Variants in GPC6 observed in about 807,000 individuals in gnomAD.
GPC6 encodes glypican 6.
GPC6 carries 14 observed loss-of-function variants against 55.2 expected under a neutral mutation model. The observed-to-expected ratio is 0.25, with a 90% CI of 0.17 to 0.40. GPC6 has a LOEUF of 0.40. Among genes scored for constraint, GPC6 ranks in the 10% least tolerant of loss-of-function variants. GPC6 has a pLI of 1.00. For synonymous variants in GPC6, 278 were observed against 259.6 expected, an observed-to-expected ratio of 1.07 and a Z score of -0.68; for missense variants, 641 against 708.5, an observed-to-expected ratio of 0.90 and a Z score of 1.08.
chr13:93,279,145 G>T (rs1194255890), intron 1 of GPC6, among the ~76,000 whole-genome samples: 1 of 152,132 alleles, frequency 6.6e-6, no homozygotes, highest in Non-Finnish European at 1.5e-5. Context: ...AATATCTGTG[G>T]TTCTCAAACT....
At chr13:94,010,528 C>T (rs1882202520) in intron 3 of GPC6, among the ~76,000 whole-genome samples, 1 of 152,056 alleles carries the variant, frequency 6.6e-6, no homozygotes, top group Admixed American at 6.6e-5. Context: ...AAGGACTCTA[C>T]GTATGTGGGT....
At chr13:93,377,066 T>A (rs1566325243) in intron 1 of GPC6, among the ~76,000 whole-genome samples, 1 of 152,198 alleles carries the variant, frequency 6.6e-6, no homozygotes, top group Non-Finnish European at 1.5e-5. Flanking sequence ...GTTTCACAAA[T>A]GCACAGTTGT....
intron 6 of GPC6, among the ~76,000 whole-genome samples, chr13:94,331,187 C>A (rs780943213): frequency 6.6e-6 from 1 of 152,120 alleles, no homozygotes; most frequent in South Asian, 2.1e-4. Context: ...CAAACTATGA[C>A]CTACGGGCCG....
At chr13:93,652,928 G>T (rs560363462) in intron 2 of GPC6, among the ~76,000 whole-genome samples, 1 of 152,026 alleles carries the variant, frequency 6.6e-6, no homozygotes, top group African/African-American at 2.4e-5. Context: ...CTTAAATTTG[G>T]GTCAGGATAG....
At chr13:93,976,645 C>A (rs1230771247) in intron 3 of GPC6, among the ~76,000 whole-genome samples, 1 of 151,140 alleles carries the variant, frequency 6.6e-6, no homozygotes, top group African/African-American at 2.4e-5. Context: ...GAAGCGATCT[C>A]TCAAATTTCT....
chr13:94,285,729 CT>C (rs1306096421), intron 4 of GPC6, among the ~76,000 whole-genome samples: 5 of 152,158 alleles, frequency 3.3e-5, no homozygotes, highest in Non-Finnish European at 7.3e-5. Flanking sequence ...ATTTCGTCAA[CT>C]TTTTTGAGAG....
At chr13:94,131,171 C>A (rs1886987588) in intron 4 of GPC6, among the ~76,000 whole-genome samples, 1 of 151,908 alleles carries the variant, frequency 6.6e-6, no homozygotes, top group Non-Finnish European at 1.5e-5. Context: ...AGAAACTTAC[C>A]ATATGTTTAA....
intron 2 of GPC6, among the ~76,000 whole-genome samples, chr13:93,763,231 TA>T (rs1209347183): frequency 6.6e-6 from 1 of 152,234 alleles, no homozygotes; most frequent in Non-Finnish European, 1.5e-5. Context: ...GGTTGCTTCT[TA>T]GTGATGCAAG....
chr13:93,793,866 T>C (rs996340921), intron 2 of GPC6, among the ~76,000 whole-genome samples: 3 of 152,228 alleles, frequency 2.0e-5, no homozygotes, highest in African/African-American at 7.2e-5. Flanking sequence ...CTAGGAAATT[T>C]TCAACATTTG....
intron 7 of GPC6, 126 bp downstream of exon 7, chr13:94,382,676 C>G: frequency 8.1e-7 from 1 of 1,239,886 alleles, no homozygotes; most frequent in African/African-American, 1.5e-5. Context: ...CAAGTCATCA[C>G]TTAGCAACAG....
intron 3 of GPC6, among the ~76,000 whole-genome samples, chr13:93,933,245 G>T (rs1346831966): frequency 6.6e-6 from 1 of 152,082 alleles, no homozygotes; most frequent in African/African-American, 2.4e-5. Flanking sequence ...ACATTTTTGG[G>T]TTGTGCTTTA....
chr13:93,595,848 C>T (rs1341393629), intron 2 of GPC6, among the ~76,000 whole-genome samples: 1 of 152,144 alleles, frequency 6.6e-6, no homozygotes, highest in Admixed American at 6.6e-5. Context: ...ATTATTTTGT[C>T]TTTCAGCAGC....
rs770862066 is a variant in GPC6 at position 93,271,928 on chromosome 13, C to T, written c.160+44312C>T. Among the ~76,000 whole-genome samples, 2 of 152,120 alleles carry T rather than the reference C, an allele frequency of 1.3e-5. 1 individual carries two copies. Among genetic ancestry groups the T allele is most frequent in the Admixed American group, 1.3e-4 (2 of 15,266 alleles). On this transcript the variant is annotated intron_variant, in intron 1 of 8. Transcript: ENST00000377047. ...ACTACCATGGCAGACCATTAATTAACTCCTTTAGTTACTTACAGTAATCAT... is the reference window on the plus strand; with the variant it reads ...ACTACCATGGCAGACCATTAATTAATTCCTTTAGTTACTTACAGTAATCAT...
chr13:93,668,384 T>C (rs1366410689), intron 2 of GPC6, among the ~76,000 whole-genome samples: 1 of 152,228 alleles, frequency 6.6e-6, no homozygotes, highest in Non-Finnish European at 1.5e-5. Flanking sequence ...AATTTGATGA[T>C]GATATTAAAT....
At chr13:94,291,570 A>G (rs1874981288) in intron 5 of GPC6, among the ~76,000 whole-genome samples, 1 of 152,198 alleles carries the variant, frequency 6.6e-6, no homozygotes. Context: ...AAGGGAATGG[A>G]ATTTTCTTTT....
chr13:93,899,276 A>G (rs1023294089), intron 3 of GPC6, among the ~76,000 whole-genome samples: 12 of 152,120 alleles, frequency 7.9e-5, no homozygotes, highest in Non-Finnish European at 1.3e-4. Flanking sequence ...GACAAATAAG[A>G]TATGTTTGAC....
chr13:94,075,190 TAG>T (rs1884866412), intron 4 of GPC6, among the ~76,000 whole-genome samples: 1 of 152,338 alleles, frequency 6.6e-6, no homozygotes, highest in Admixed American at 6.5e-5. Context: ...CTTTAAAACA[TAG>T]AGTCTTCAAA....
chr13:93,718,911 C>A (rs1883345714), intron 2 of GPC6, among the ~76,000 whole-genome samples: 1 of 151,992 alleles, frequency 6.6e-6, no homozygotes, highest in African/African-American at 2.4e-5. Flanking sequence ...TAGTATTTTT[C>A]TGAGACCTCT....
chr13:94,189,152 C>T (rs1385809764), intron 4 of GPC6, among the ~76,000 whole-genome samples: 1 of 152,140 alleles, frequency 6.6e-6, no homozygotes, highest in Non-Finnish European at 1.5e-5. Flanking sequence ...CTCAATTTCT[C>T]AGGTGGTGGC....
Sources: gnomAD v4.1 joint callset for allele counts (sites outside exome capture counted in the v4.1 genomes callset) on GRCh38, gnomAD v4.1.1 for gene constraint, MANE v1.5 for transcripts, NCBI Gene and HGNC (gene_info 2026-07-23, HGNC 2026-07-21) for gene names.